Variants in TMEM267 observed in about 807,000 individuals in gnomAD.
TMEM267 encodes the protein transmembrane protein C5orf28.
TMEM267 carries 20 observed loss-of-function variants against 19.3 expected under a neutral mutation model. That is an observed-to-expected ratio of 1.04 (90% CI 0.73 to 1.51). The LOEUF (loss-of-function observed/expected upper bound fraction) is 1.51. Among genes scored for constraint, TMEM267 ranks in the 40% most tolerant of loss-of-function variants. The pLI, the probability that TMEM267 is intolerant of heterozygous loss-of-function variation, is 0.00. For missense variants in TMEM267, 242 were observed against 261.9 expected, an observed-to-expected ratio of 0.92 and a Z score of 0.52; for synonymous variants, 88 against 90.3, an observed-to-expected ratio of 0.97 and a Z score of 0.15.
intron 1 of TMEM267, among the ~76,000 whole-genome samples, chr5:43,460,916 G>T (rs1743220383): frequency 6.6e-6 from 1 of 152,180 alleles, no homozygotes; most frequent in Non-Finnish European, 1.5e-5. Context: ...CAACCCTTAG[G>T]TGAGTCCTAG....
At position 43,478,233 on chromosome 5, in the gene TMEM267, G is replaced by C. The variant is rs4510596; in HGVS notation, c.-75+5589C>G. On this transcript the variant is annotated intron_variant, in intron 1 of 2. Coordinates refer to ENST00000397080, the MANE Select transcript of TMEM267 (RefSeq NM_022483.5). The stretch of plus-strand genomic sequence containing the variant: ...AGTTTGGATAATCAACTTTCAGTCT[G>C]TATAATGTAATTTTATATAAACAAC... 4.7e-3 allele frequency among the ~76,000 whole-genome samples: 718 copies of C among 152,258 alleles called. 9 individuals carry two copies. The highest frequency in any genetic ancestry group is 0.017 in the African/African-American group (687 of 41,544).
At chr5:43,479,820 C>G in intron 1 of TMEM267, 1 of 411,764 alleles carries the variant, frequency 2.4e-6, no homozygotes, top group Non-Finnish European at 4.7e-6. Flanking sequence ...CTTCCAGGAT[C>G]TGGAAATAAT....
At chr5:43,454,125 T>G in intron 1 of TMEM267, 82 bp from the exon 2 acceptor site, 1 of 996,010 alleles carries the variant, frequency 1.0e-6, no homozygotes, top group Non-Finnish European at 1.4e-6. Context: ...TCAGCAATAA[T>G]TTCACAAACA....
intron 1 of TMEM267, among the ~76,000 whole-genome samples, chr5:43,467,902 G>T (rs979266808): frequency 6.6e-6 from 1 of 152,142 alleles, no homozygotes; most frequent in African/African-American, 2.4e-5. Flanking sequence ...GAAGCCCTCA[G>T]TTGGGGGGGG....
At chr5:43,464,458 T>C (rs1273433456) in intron 1 of TMEM267, among the ~76,000 whole-genome samples, 2 of 152,204 alleles carry the variant, frequency 1.3e-5, no homozygotes, top group African/African-American at 2.4e-5. Flanking sequence ...AAAACTACTT[T>C]AAAGTTCCTA....
At chr5:43,466,933 G>C (rs1272879470) in intron 1 of TMEM267, among the ~76,000 whole-genome samples, 1 of 152,054 alleles carries the variant, frequency 6.6e-6, no homozygotes, top group East Asian at 1.9e-4. Context: ...TCGATCATTT[G>C]AGGTCAGGAG....
In TMEM267 at chr5:43,463,576, A is replaced by G. The variant is rs185190955; in HGVS notation, c.-74-9533T>C. ...GCAAACCGAATCCAGCAGCACATCA[A>G]AAATCCACCCCACCATGATCCAGCC... On this transcript the variant is annotated intron_variant, in intron 1 of 2. Coordinates refer to ENST00000397080, the MANE Select transcript of TMEM267 (RefSeq NM_022483.5). Among the ~76,000 whole-genome samples, 9 of 152,320 alleles carry G rather than the reference A, an allele frequency of 5.9e-5. No homozygotes were observed. The East Asian group carries it at 1.7e-3, about 29-fold the overall frequency.
At chr5:43,473,923 A>C (rs1305548773) in intron 1 of TMEM267, among the ~76,000 whole-genome samples, 8 of 152,252 alleles carry the variant, frequency 5.3e-5, no homozygotes, top group African/African-American at 1.9e-4. Flanking sequence ...AGATATATAG[A>C]TCAATGGAAC....
chr5:43,464,253 G>A (rs1260489972), intron 1 of TMEM267, among the ~76,000 whole-genome samples: 1 of 151,804 alleles, frequency 6.6e-6, no homozygotes, highest in African/African-American at 2.4e-5. Flanking sequence ...TACAAGGGAT[G>A]TGAAGGACCT....
At chr5:43,447,060 T>C (rs1375895266) in intron 2 of TMEM267, among the ~76,000 whole-genome samples, 1 of 152,016 alleles carries the variant, frequency 6.6e-6, no homozygotes, top group African/African-American at 2.4e-5. Flanking sequence ...TTTAAATACG[T>C]ATTCTAAAAT....
chr5:43,475,355 G>A (rs916388048), intron 1 of TMEM267, among the ~76,000 whole-genome samples: 8 of 151,960 alleles, frequency 5.3e-5, no homozygotes, highest in Admixed American at 1.3e-4. Flanking sequence ...ACACAGGGAG[G>A]GGAATACCAG....
In TMEM267 at chr5:43,444,806, CT is replaced by C. The variant is rs1422466417; in HGVS notation, c.*1415del. On this transcript the variant is annotated 3_prime_UTR_variant, in exon 3 of 3. Coordinates refer to ENST00000397080, the MANE Select transcript of TMEM267 (RefSeq NM_022483.5). ...ACCAACCAAACTTATACAATAATTACTCTTGAAAAATAAGTAGACTGTAATA... is the reference window on the plus strand; with the variant it reads ...ACCAACCAAACTTATACAATAATTACCTTGAAAAATAAGTAGACTGTAATA... 1 of 151,942 alleles carries C rather than the reference CT, an allele frequency of 6.6e-6. No homozygotes were observed. Among genetic ancestry groups the C allele is most frequent in the Non-Finnish European group, 1.5e-5 (1 of 67,996 alleles). The allele number at this position is 151,942 out of a possible 1,614,324, so 9.4% of individuals were successfully genotyped here.
Position 43,456,943 on chromosome 5 carries a change from T to C in TMEM267, c.-74-2900A>G, listed in dbSNP as rs1279248299. Among the ~76,000 whole-genome samples the C allele has an allele frequency of 2.0e-5, 3 of 152,360 alleles. No individual in the cohort carries two copies. The East Asian group carries it at 5.8e-4, about 29-fold the overall frequency. On this transcript the variant is annotated intron_variant, in intron 1 of 2. Transcript: ENST00000397080. ...TACACAAAGGCTTACACATGAATGT[T>C]CATAGCAGCTTTATCTGAATTTGTT... is the stretch of plus-strand genomic sequence containing the variant.
Position 43,453,895 on chromosome 5 carries a change from A to ATTT in TMEM267, c.74_75insAAA (p.Gly25_Leu26insAsn). The ATTT allele has an allele frequency of 6.2e-7, 1 of 1,614,080 alleles. No individual in the cohort carries two copies. The highest frequency in any genetic ancestry group is 8.5e-7 in the Non-Finnish European group (1 of 1,179,996). On this transcript the variant is annotated inframe_insertion, in exon 2 of 3. Transcript: ENST00000397080. ...CAGCTACGAGGCAAAATGCCCCCAG[A>ATTT]CCAAGGCTGGAAATAAGAGATTCAG...
chr5:43,457,703 C>T (rs541370449), intron 1 of TMEM267, among the ~76,000 whole-genome samples: 1 of 151,838 alleles, frequency 6.6e-6, no homozygotes, highest in African/African-American at 2.4e-5. Context: ...GACACAAATC[C>T]AAACCATATC....
chr5:43,448,543 G>T (rs1742385710), intron 2 of TMEM267, among the ~76,000 whole-genome samples: 1 of 152,200 alleles, frequency 6.6e-6, no homozygotes, highest in African/African-American at 2.4e-5. Flanking sequence ...TTGAGAGGCT[G>T]AGGCGGGCTG....
At position 43,453,880 on chromosome 5, in the gene TMEM267, G is replaced by T. The variant is rs754632792; in HGVS notation, c.90C>A (p.Cys30Ter). ...ACTGAAGAAGTCTGTCAGCTACGAG[G>T]CAAAATGCCCCCAGACCAAGGCTGG... ...LISSLGLGAF[C>*]LVADRLLQFS... The change falls in exon 2 of 3, where the codon TGC becomes TGA. Residue 30 changes from cysteine to a stop codon, truncating the protein, a stop_gained. Coordinates refer to ENST00000397080, the MANE Select transcript of TMEM267 (RefSeq NM_022483.5). LOFTEE classifies it high-confidence loss of function. 1.9e-6 allele frequency: 3 copies of T among 1,613,994 alleles called. No homozygotes were observed. The highest frequency in any genetic ancestry group is 2.5e-6 in the Non-Finnish European group (3 of 1,179,960).
intron 1 of TMEM267, among the ~76,000 whole-genome samples, chr5:43,471,586 A>T (rs1005415281): frequency 9.2e-5 from 14 of 152,206 alleles, no homozygotes; most frequent in Non-Finnish European, 1.9e-4. Flanking sequence ...TTCTGACATA[A>T]AAACAGACAC....
intron 1 of TMEM267, among the ~76,000 whole-genome samples, chr5:43,482,931 CTAAG>C (rs151225465): frequency 0.025 from 3,748 of 152,292 alleles, 59 homozygotes; most frequent in Middle Eastern, 0.065. Context: ...GATACATTCT[CTAAG>C]TAAGTGTCAT....
Sources: gnomAD v4.1 joint callset for allele counts (sites outside exome capture counted in the v4.1 genomes callset) on GRCh38, gnomAD v4.1.1 for gene constraint, MANE v1.5 for transcripts, NCBI Gene and HGNC (gene_info 2026-07-23, HGNC 2026-07-21) for gene names.